Variants in ZNF670 observed in about 807,000 individuals in gnomAD.
ZNF670 encodes zinc finger protein 670.
ZNF670 carries 7 observed loss-of-function variants against 10.9 expected under a neutral mutation model. The ratio of observed to expected loss-of-function variants is 0.64; its 90% CI spans 0.36 to 1.20. The LOEUF is 1.20. Ranked by LOEUF, ZNF670 falls within the 50% of genes most tolerant of loss-of-function variation. The pLI is 0.02. For missense variants in ZNF670, 446 were observed against 458.6 expected (o/e 0.97, Z 0.25); for synonymous variants, 136 against 152.7 (o/e 0.89, Z 0.81).
intron 1 of ZNF670, among the ~76,000 whole-genome samples, chr1:247,057,403 T>C (rs1670745950): frequency 6.6e-6 from 1 of 152,168 alleles, no homozygotes; most frequent in Admixed American, 6.5e-5. Flanking sequence ...TGTAAATTAG[T>C]ACAACCACTC....
Position 247,037,444 on chromosome 1 carries a change from G to GT in ZNF670, c.*4dup, listed in dbSNP as rs753709792. ...TTGACAGAGGTGTTTTGTTGTTGTT[G>GT]TTTTTTACCACATATAAGCTCTTTC... On this transcript the variant is annotated 3_prime_UTR_variant, in exon 4 of 4. Transcript: ENST00000366503. The GT allele has an allele frequency of 9.2e-5, 146 of 1,584,070 alleles. No homozygotes were observed. The highest frequency in any genetic ancestry group is 1.1e-4 in the Non-Finnish European group (125 of 1,167,802).
At chr1:247,054,881 C>T (rs1670680733) in intron 1 of ZNF670, among the ~76,000 whole-genome samples, 2 of 152,136 alleles carry the variant, frequency 1.3e-5, no homozygotes, top group African/African-American at 4.8e-5. Context: ...AATTTAAAAA[C>T]ATACAATGGA....
In ZNF670 at chr1:247,038,793, T is replaced by C; in HGVS notation, c.191+17A>G. The C allele has an allele frequency of 6.2e-7, 1 of 1,605,622 alleles. No individual in the cohort carries two copies. Among genetic ancestry groups the C allele is most frequent in the Non-Finnish European group, 8.5e-7 (1 of 1,174,124 alleles). ...ATTCCCTCAAGGGGCATTTTTGCTC[T>C]TGTGAATGCAAATTACCTTAGATTT... On this transcript the variant is annotated intron_variant, in intron 3 of 3. Coordinates refer to ENST00000366503, the MANE Select transcript of ZNF670 (RefSeq NM_033213.5).
chr1:247,070,440 C>T (rs1477122255), intron 1 of ZNF670, among the ~76,000 whole-genome samples: 1 of 152,172 alleles, frequency 6.6e-6, no homozygotes, highest in Admixed American at 6.5e-5. Flanking sequence ...CACTGCACTC[C>T]AGCCTGGGCG....
intron 1 of ZNF670, among the ~76,000 whole-genome samples, chr1:247,063,435 T>C (rs1201345053): frequency 6.6e-6 from 1 of 151,440 alleles, no homozygotes; most frequent in African/African-American, 2.4e-5. Context: ...TACAAAAAAT[T>C]AGCCAGGTGT....
intron 1 of ZNF670, among the ~76,000 whole-genome samples, chr1:247,049,199 G>C (rs1195755190): frequency 2.0e-5 from 3 of 149,938 alleles, no homozygotes; most frequent in Non-Finnish European, 2.9e-5. Flanking sequence ...GCCGGGTTAA[G>C]TGATTCCCCT....
chr1:247,046,394 A>G (rs372895714), intron 1 of ZNF670, among the ~76,000 whole-genome samples: 1 of 152,232 alleles, frequency 6.6e-6, no homozygotes. Flanking sequence ...GCCTCAGGAC[A>G]CTGCTCCTTG....
chr1:247,077,748 G>A (rs146489777), intron 1 of ZNF670, among the ~76,000 whole-genome samples: 124 of 152,330 alleles, frequency 8.1e-4, no homozygotes, highest in African/African-American at 2.8e-3. Context: ...GTTAGGCTGT[G>A]GGAACAGGGT....
At chr1:247,052,051 G>A (rs1304501783) in intron 1 of ZNF670, among the ~76,000 whole-genome samples, 3 of 149,740 alleles carry the variant, frequency 2.0e-5, no homozygotes, top group South Asian at 2.1e-4. Context: ...GTGCCTCCAC[G>A]AGTAGCTTAA....
chr1:247,046,328 G>A (rs976470782), intron 1 of ZNF670, among the ~76,000 whole-genome samples: 1 of 152,138 alleles, frequency 6.6e-6, no homozygotes, highest in African/African-American at 2.4e-5. Flanking sequence ...ACAGGCTCAG[G>A]GGCCTAAAAG....
chr1:247,054,518 C>G (rs1670672933), intron 1 of ZNF670, among the ~76,000 whole-genome samples: 1 of 152,236 alleles, frequency 6.6e-6, no homozygotes, highest in Non-Finnish European at 1.5e-5. Flanking sequence ...ATTTTAGGCC[C>G]TAGTTCCTGG....
chr1:247,065,601 G>A (rs1670962333), intron 1 of ZNF670, among the ~76,000 whole-genome samples: 1 of 152,138 alleles, frequency 6.6e-6, no homozygotes, highest in African/African-American at 2.4e-5. Flanking sequence ...AGCGTGCAGA[G>A]TATGTTTAAA....
chr1:247,063,842 A>C (rs1463187448), intron 1 of ZNF670, among the ~76,000 whole-genome samples: 2 of 152,172 alleles, frequency 1.3e-5, no homozygotes, highest in Admixed American at 1.3e-4. Flanking sequence ...AATCTGAGGG[A>C]GACATGGGGC....
intron 1 of ZNF670, among the ~76,000 whole-genome samples, chr1:247,051,254 C>CA (rs1558340407): frequency 7.6e-6 from 1 of 131,796 alleles, no homozygotes; most frequent in Admixed American, 7.3e-5. Context: ...ACTCCGTCTC[C>CA]AAGAAAAAAA....
At position 247,078,801 on chromosome 1, in the gene ZNF670, C is replaced by T; in HGVS notation, c.-205G>A. 5 of 593,316 alleles carry T rather than the reference C, an allele frequency of 8.4e-6. No individual in the cohort carries two copies. The highest frequency in any genetic ancestry group is 8.2e-5 in the South Asian group (4 of 48,768). 36.8% of individuals were successfully genotyped at this position (593,316 alleles called of 1,614,324 possible). A position where few individuals can be genotyped will look rare whatever the true frequency, so the allele number is the denominator to read the frequency against. On this transcript the variant is annotated 5_prime_UTR_variant, in exon 1 of 4. Transcript: ENST00000366503. ...GAAGCTGCTCCCTCCTTTCGCGGCG[C>T]GCTTGAGAGTACAGTCCCCTTCCCA... is the stretch of plus-strand genomic sequence containing the variant.
At chr1:247,073,596 A>G (rs1449800502) in intron 1 of ZNF670, among the ~76,000 whole-genome samples, 1 of 152,218 alleles carries the variant, frequency 6.6e-6, no homozygotes, top group Non-Finnish European at 1.5e-5. Flanking sequence ...ACTCTCCCAG[A>G]GTCAGGTGAA....
intron 1 of ZNF670, among the ~76,000 whole-genome samples, chr1:247,076,548 A>G (rs1397866566): frequency 6.6e-6 from 1 of 151,686 alleles, no homozygotes; most frequent in Non-Finnish European, 1.5e-5. Context: ...GAGCCACCGC[A>G]CCTGGCCTGT....
At chr1:247,045,786 A>C (rs1670429103) in intron 1 of ZNF670, among the ~76,000 whole-genome samples, 2 of 152,220 alleles carry the variant, frequency 1.3e-5, no homozygotes, top group Non-Finnish European at 2.9e-5. Flanking sequence ...AGAAAAAGAC[A>C]GGGAGATGAG....
rs142775786 is a variant in ZNF670, at chr1:247,042,815, C to T, written c.4-3278G>A. On this transcript the variant is annotated intron_variant, in intron 1 of 3. Transcript: ENST00000366503. ...CATGAAAATGTCTGACCCCACCACGCTGTCTGAGCTACTGAAATGTTATTA... is the reference window on the plus strand; with the variant it reads ...CATGAAAATGTCTGACCCCACCACGTTGTCTGAGCTACTGAAATGTTATTA... 52 of 519,268 alleles carry T rather than the reference C, an allele frequency of 1.0e-4. No individual in the cohort carries two copies. In the Middle Eastern group the frequency reaches 4.4e-3, roughly 44 times the overall value. The allele number at this position is 519,268 out of a possible 1,614,324, so 32.2% of individuals were successfully genotyped here.
Sources: gnomAD v4.1 joint callset for allele counts (sites outside exome capture counted in the v4.1 genomes callset) on GRCh38, gnomAD v4.1.1 for gene constraint, MANE v1.5 for transcripts, NCBI Gene and HGNC (gene_info 2026-07-23, HGNC 2026-07-21) for gene names.